The following CA10 variants were observed in gnomAD, a reference collection of about 807,000 sequenced individuals.
The protein encoded by CA10 is carbonic anhydrase-related protein 10.
In CA10, 14 loss-of-function variants were observed where a neutral mutation model predicts 44.2. The ratio of observed to expected loss-of-function variants is 0.32; its 90% confidence interval spans 0.21 to 0.50. The LOEUF is 0.50. Ranked by LOEUF, CA10 falls within the 20% of genes least tolerant of loss-of-function variation. CA10 has a pLI of 0.99. For synonymous variants in CA10, 159 were observed against 141.6 expected (o/e 1.12, Z -0.87); for missense variants, 350 against 409.7 (o/e 0.85, Z 1.26).
intron 3 of CA10, among the ~76,000 whole-genome samples, chr17:51,803,217 C>T (rs957957626): frequency 6.6e-6 from 1 of 152,150 alleles, no homozygotes; most frequent in African/African-American, 2.4e-5. Flanking sequence ...GGGGTTTCTG[C>T]CTTGAGAAGC....
intron 2 of CA10, among the ~76,000 whole-genome samples, chr17:52,060,071 T>A (rs1017895386): frequency 6.6e-6 from 1 of 152,170 alleles, no homozygotes; most frequent in African/African-American, 2.4e-5. Flanking sequence ...CGTGTCTTTT[T>A]ATAAGTTGTC....
At chr17:51,737,793 A>G (rs558198123) in intron 4 of CA10, among the ~76,000 whole-genome samples, 3 of 152,184 alleles carry the variant, frequency 2.0e-5, no homozygotes, top group East Asian at 3.9e-4. Flanking sequence ...CAAGCCAACC[A>G]TTGCTCTTGG....
At chr17:52,150,705 G>A (rs774523818) in intron 1 of CA10, among the ~76,000 whole-genome samples, 32 of 152,122 alleles carry the variant, frequency 2.1e-4, no homozygotes, top group Non-Finnish European at 4.1e-4. Flanking sequence ...AGTACTTTGA[G>A]CATCTGTTTT....
intron 3 of CA10, among the ~76,000 whole-genome samples, chr17:51,874,111 G>A (rs1277757276): frequency 6.6e-6 from 1 of 152,180 alleles, no homozygotes; most frequent in Non-Finnish European, 1.5e-5. Context: ...TTCCTGTGTA[G>A]AGTGTAGGGG....
intron 3 of CA10, among the ~76,000 whole-genome samples, chr17:51,891,461 TTGGA>T (rs1415620566): frequency 6.6e-6 from 1 of 152,086 alleles, no homozygotes; most frequent in African/African-American, 2.4e-5. Flanking sequence ...GCGATTTGGT[TTGGA>T]TGAATAATAG....
At chr17:52,008,872 CTTTG>C (rs771245143) in intron 2 of CA10, among the ~76,000 whole-genome samples, 109 of 152,020 alleles carry the variant, frequency 7.2e-4, no homozygotes, top group African/African-American at 2.3e-3. Flanking sequence ...TTCTGCCTTT[CTTTG>C]TTTAAGGTTT....
At chr17:51,989,304 T>C (rs1020810221) in intron 2 of CA10, among the ~76,000 whole-genome samples, 1 of 151,960 alleles carries the variant, frequency 6.6e-6, no homozygotes, top group East Asian at 1.9e-4. Context: ...TCCTGATTCC[T>C]TTCCCTTCTC....
At position 51,931,044 on chromosome 17, in the gene CA10, G is replaced by C. The variant is rs764365763; in HGVS notation, c.225C>G (p.His75Gln). The C allele has an allele frequency of 6.2e-7, 1 of 1,613,686 alleles. No homozygotes were observed. Among genetic ancestry groups the C allele is most frequent in the Non-Finnish European group, 8.5e-7 (1 of 1,179,690 alleles). Residue 75 changes from histidine (H) to glutamine (Q), a missense_variant, in exon 3 of 9, where the codon CAC (histidine) becomes CAG (glutamine). Coordinates refer to ENST00000451037, the MANE Select transcript of CA10 (RefSeq NM_020178.5). Reference protein sequence around the residue: ...RQSPVNIETSHMIFDPFLTPL... With the variant: ...RQSPVNIETSQMIFDPFLTPL... ...GTGTCAGAAAGGGGTCGAAGATCAT[G>C]TGACTGGTCTCTATGTTGACTGGCG...
chr17:51,766,544 T>C (rs1905390542), intron 3 of CA10, among the ~76,000 whole-genome samples: 1 of 152,244 alleles, frequency 6.6e-6, no homozygotes, highest in Non-Finnish European at 1.5e-5. Context: ...TTAACTTCTC[T>C]GAGCTGTGGT....
At chr17:51,991,960 A>C (rs1024298458) in intron 2 of CA10, among the ~76,000 whole-genome samples, 3 of 152,060 alleles carry the variant, frequency 2.0e-5, no homozygotes, top group Non-Finnish European at 2.9e-5. Flanking sequence ...ACTTAACTGC[A>C]AATTGGGCAC....
intron 2 of CA10, among the ~76,000 whole-genome samples, chr17:51,935,726 C>A (rs1484824789): frequency 3.9e-5 from 6 of 152,146 alleles, no homozygotes; most frequent in African/African-American, 1.4e-4. Flanking sequence ...CTGCTTAAAT[C>A]ATGAGCCTTG....
At chr17:51,739,267 G>A (rs1447760044) in intron 4 of CA10, among the ~76,000 whole-genome samples, 1 of 152,020 alleles carries the variant, frequency 6.6e-6, no homozygotes, top group Non-Finnish European at 1.5e-5. Flanking sequence ...AATGTTGTGA[G>A]CGGTACTCAT....
At chr17:51,728,761 G>A (rs1355725284) in intron 4 of CA10, among the ~76,000 whole-genome samples, 1 of 152,178 alleles carries the variant, frequency 6.6e-6, no homozygotes, top group East Asian at 1.9e-4. Context: ...TTGGAAGGAA[G>A]TTACTAAGTC....
chr17:51,796,801 G>A (rs987121761), intron 3 of CA10, among the ~76,000 whole-genome samples: 4 of 152,114 alleles, frequency 2.6e-5, no homozygotes, highest in African/African-American at 7.2e-5. Context: ...CATGCAAGGA[G>A]CCCTCTACTT....
intron 3 of CA10, among the ~76,000 whole-genome samples, chr17:51,900,128 T>C (rs1047702927): frequency 6.6e-6 from 1 of 152,102 alleles, no homozygotes; most frequent in African/African-American, 2.4e-5. Flanking sequence ...ATAGTGTCAA[T>C]ATTCTACACA....
intron 3 of CA10, among the ~76,000 whole-genome samples, chr17:51,770,514 G>A (rs976171998): frequency 2.0e-5 from 3 of 151,958 alleles, no homozygotes; most frequent in Non-Finnish European, 4.4e-5. Context: ...TTTCCTATGT[G>A]CAAGACCCTG....
rs146457426 is a variant in CA10, at chr17:51,780,012, C to A, written c.280-32194G>T. On this transcript the variant is annotated intron_variant, in intron 3 of 8. Transcript: ENST00000451037. ...GAGTGAGTAGTGTTCTGATCTAACA[C>A]ACATAAAACAGGAAGGAACATCACG... is the stretch of plus-strand genomic sequence containing the variant. Among the ~76,000 whole-genome samples, 21 of 152,252 alleles carry A rather than the reference C, an allele frequency of 1.4e-4. No individual in the cohort carries two copies. In the East Asian group the frequency reaches 4.1e-3, roughly 29 times the overall value.
At chr17:51,796,046 G>C (rs1004421940) in intron 3 of CA10, among the ~76,000 whole-genome samples, 1 of 152,172 alleles carries the variant, frequency 6.6e-6, no homozygotes, top group African/African-American at 2.4e-5. Flanking sequence ...CTAGTAAATA[G>C]CAGCAGTGAG....
intron 3 of CA10, among the ~76,000 whole-genome samples, chr17:51,834,305 C>T (rs1271672358): frequency 6.6e-6 from 1 of 152,158 alleles, no homozygotes; most frequent in Non-Finnish European, 1.5e-5. Context: ...AGATTTTTCC[C>T]AGACTTCAAT....
Sources: gnomAD v4.1 joint callset for allele counts (sites outside exome capture counted in the v4.1 genomes callset) on GRCh38, gnomAD v4.1.1 for gene constraint, MANE v1.5 for transcripts, NCBI Gene and HGNC (gene_info 2026-07-23, HGNC 2026-07-21) for gene names.